SDK1: variants seen among roughly 807,000 people sequenced by gnomAD.
The protein encoded by SDK1 is sidekick cell adhesion molecule 1, also known as protein sidekick-1.
Under a neutral mutation model 245.5 loss-of-function variants are expected in SDK1, and 157 were observed. The observed-to-expected ratio is 0.64, with a 90% CI of 0.56 to 0.73. The LOEUF (loss-of-function observed/expected upper bound fraction) is 0.73, where lower values mean the gene tolerates loss of function less well. SDK1 is among the 30% of genes least tolerant of loss of function. The pLI is 0.00. For missense variants in SDK1, 3,583 were observed against 3,002.3 expected (o/e 1.19, Z -4.52); for synonymous variants, 1,647 against 1,278.5 (o/e 1.29, Z -6.15).
chr7:4,160,538 C>G (rs949484142), intron 31 of SDK1, among the ~76,000 whole-genome samples: 1 of 152,210 alleles, frequency 6.6e-6, no homozygotes, highest in African/African-American at 2.4e-5. Context: ...CTTACACTAT[C>G]TAGAGATTGA....
Position 3,971,659 on chromosome 7 carries a change from A to T in SDK1, c.1817+91A>T, listed in dbSNP as rs1016493586. 1.4e-5 allele frequency: 13 copies of T among 960,202 alleles called. No homozygotes were observed. In the African/African-American group the frequency reaches 1.8e-4, roughly 13 times the overall value. The allele number at this position is 960,202 out of a possible 1,614,324, so 59.5% of individuals were successfully genotyped here. A position where few individuals can be genotyped will look rare whatever the true frequency, so the allele number is the denominator to read the frequency against. On this transcript the variant is annotated intron_variant, in intron 12 of 44. Transcript: ENST00000404826. The stretch of plus-strand genomic sequence containing the variant: ...GAGATGAGGAGGAAGAATTGGGGGA[A>T]CTTTTGATTTCAGCAGCAGGTCCCT...
intron 5 of SDK1, among the ~76,000 whole-genome samples, chr7:3,854,192 G>A (rs750093470): frequency 2.0e-5 from 3 of 151,894 alleles, no homozygotes; most frequent in Non-Finnish European, 4.4e-5. Context: ...GGTTATGTAC[G>A]GTGTGGTAGA....
In SDK1 at chr7:3,908,342, C is replaced by T. The variant is rs552866027; in HGVS notation, c.848-42581C>T. On this transcript the variant is annotated intron_variant, in intron 5 of 44. Transcript: ENST00000404826. ...GGGAGGGCAGGATTCTTGGGAATGACGCCAGATCCAGGAGACGATCAGCTT... is the reference window on the plus strand; with the variant it reads ...GGGAGGGCAGGATTCTTGGGAATGATGCCAGATCCAGGAGACGATCAGCTT... 7.2e-5 allele frequency among the ~76,000 whole-genome samples: 11 copies of T among 152,286 alleles called. No individual in the cohort carries two copies. In the East Asian group the frequency reaches 1.4e-3, roughly 19 times the overall value.
intron 14 of SDK1, among the ~76,000 whole-genome samples, chr7:3,996,143 A>G (rs938302596): frequency 6.6e-6 from 1 of 152,114 alleles, no homozygotes; most frequent in Non-Finnish European, 1.5e-5. Context: ...TTTTCCCAAC[A>G]TGATTTATTA....
intron 35 of SDK1, among the ~76,000 whole-genome samples, chr7:4,196,231 C>G (rs1036742610): frequency 9.2e-5 from 14 of 152,184 alleles, no homozygotes; most frequent in Admixed American, 7.2e-4. Context: ...CCCTTGCCAA[C>G]AGGTCCGCCT....
chr7:3,637,717 T>A (rs1782509309), intron 2 of SDK1, among the ~76,000 whole-genome samples: 2 of 152,268 alleles, frequency 1.3e-5, no homozygotes, highest in Non-Finnish European at 2.9e-5. Context: ...GAAGGATGAT[T>A]ACTTACAGTT....
At chr7:3,438,211 G>T (rs148304729) in intron 1 of SDK1, among the ~76,000 whole-genome samples, 4 of 152,080 alleles carry the variant, frequency 2.6e-5, no homozygotes, top group Non-Finnish European at 4.4e-5. Flanking sequence ...TAAACTGAAC[G>T]TTTGCTGCTA....
At chr7:3,993,394 TGTG>T (rs754277130) in intron 14 of SDK1, among the ~76,000 whole-genome samples, 8 of 152,206 alleles carry the variant, frequency 5.3e-5, no homozygotes, top group Non-Finnish European at 7.3e-5. Flanking sequence ...TTGTATGTCT[TGTG>T]GTAAATGCTT....
chr7:3,319,694 G>C (rs1056592697), intron 1 of SDK1, among the ~76,000 whole-genome samples: 1 of 151,872 alleles, frequency 6.6e-6, no homozygotes, highest in Non-Finnish European at 1.5e-5. Context: ...GCATGTCTCT[G>C]GTCTGTTTAT....
chr7:3,675,243 C>A (rs1009608158), intron 4 of SDK1, among the ~76,000 whole-genome samples: 1 of 152,212 alleles, frequency 6.6e-6, no homozygotes, highest in Non-Finnish European at 1.5e-5. Context: ...ACAGAAAAAC[C>A]TGTTAGCTTT....
intron 4 of SDK1, among the ~76,000 whole-genome samples, chr7:3,755,665 C>A (rs1320163954): frequency 6.6e-6 from 1 of 152,144 alleles, no homozygotes; most frequent in African/African-American, 2.4e-5. Context: ...TTGTAACCAA[C>A]TCCTTCCCCC....
chr7:3,328,121 A>G (rs992723747), intron 1 of SDK1, among the ~76,000 whole-genome samples: 2 of 152,192 alleles, frequency 1.3e-5, no homozygotes, highest in African/African-American at 4.8e-5. Flanking sequence ...TTCTGCCCGA[A>G]GATAATTGGG....
chr7:3,586,494 G>A (rs1320235173), intron 1 of SDK1, among the ~76,000 whole-genome samples: 2 of 151,140 alleles, frequency 1.3e-5, no homozygotes, highest in African/African-American at 4.9e-5. Flanking sequence ...TCAGGAGATC[G>A]AGACCATCCT....
At chr7:3,949,007 C>G (rs1780689170) in intron 5 of SDK1, among the ~76,000 whole-genome samples, 1 of 152,206 alleles carries the variant, frequency 6.6e-6, no homozygotes. Context: ...GGCCGTTAGT[C>G]TGATTGGCAT....
chr7:3,509,694 A>C (rs977437390), intron 1 of SDK1, among the ~76,000 whole-genome samples: 6 of 152,182 alleles, frequency 3.9e-5, no homozygotes, highest in African/African-American at 1.2e-4. Flanking sequence ...ACCTCTGTTT[A>C]ATGTCACAGG....
chr7:4,088,382 C>A (rs958476978), intron 22 of SDK1, among the ~76,000 whole-genome samples: 1 of 151,998 alleles, frequency 6.6e-6, no homozygotes, highest in Non-Finnish European at 1.5e-5. Context: ...TCTATCATAT[C>A]GAATTGGGAC....
At chr7:3,926,873 C>T (rs1295294085) in intron 5 of SDK1, among the ~76,000 whole-genome samples, 1 of 152,206 alleles carries the variant, frequency 6.6e-6, no homozygotes, top group African/African-American at 2.4e-5. Context: ...ACAGGAACCA[C>T]AGGCCTTTTG....
chr7:3,540,393 T>A (rs1395262541), intron 1 of SDK1, among the ~76,000 whole-genome samples: 1 of 151,814 alleles, frequency 6.6e-6, no homozygotes, highest in African/African-American at 2.4e-5. Context: ...GGTGAAAGAG[T>A]GATACTTCAT....
chr7:3,755,195 A>C (rs539018459), intron 4 of SDK1, among the ~76,000 whole-genome samples: 2 of 152,218 alleles, frequency 1.3e-5, no homozygotes, highest in African/African-American at 4.8e-5. Context: ...TGGCCTGGGG[A>C]AGCCGGAAGT....
Sources: allele counts gnomAD v4.1 joint callset (sites outside exome capture counted in the v4.1 genomes callset), GRCh38; gene constraint gnomAD v4.1.1; transcripts MANE v1.5; gene names NCBI Gene and HGNC (gene_info 2026-07-23, HGNC 2026-07-21).